BCO1: variants seen among roughly 807,000 people sequenced by gnomAD.
BCO1 encodes beta-carotene oxygenase 1.
In BCO1, 54 loss-of-function variants were observed where a neutral mutation model predicts 56.3. That is an observed-to-expected ratio of 0.96 (90% CI 0.77 to 1.20). BCO1 has a LOEUF of 1.20. BCO1 is among the 50% of genes most tolerant of loss of function. The probability of loss-of-function intolerance (pLI) is 0.00; values close to 1 mark genes in which losing one functional copy is unlikely to be tolerated. For synonymous variants in BCO1, 318 were observed against 266.1 expected, an observed-to-expected ratio of 1.20 and a Z score of -1.90; for missense variants, 801 against 690.9, an observed-to-expected ratio of 1.16 and a Z score of -1.79.
chr16:81,275,244 C>T (rs79199356), intron 7 of BCO1, among the ~76,000 whole-genome samples: 1,988 of 152,330 alleles, frequency 0.013, 41 homozygotes, highest in African/African-American at 0.046. Flanking sequence ...GTCTGAAACC[C>T]TGTCCTCCTG....
chr16:81,259,309 C>T (rs375298963), intron 2 of BCO1, among the ~76,000 whole-genome samples: 42 of 152,076 alleles, frequency 2.8e-4, no homozygotes, highest in African/African-American at 9.2e-4. Flanking sequence ...GCCTGGCCAA[C>T]GTGGTGAAAC....
At chr16:81,262,418 C>T in intron 4 of BCO1, 135 bp downstream of exon 4, 1 of 883,894 alleles carries the variant, frequency 1.1e-6, no homozygotes, top group East Asian at 2.6e-5. Flanking sequence ...GATCCCGTGC[C>T]CTAGCGCCAC....
intron 7 of BCO1, among the ~76,000 whole-genome samples, chr16:81,277,161 A>G (rs887010800): frequency 1.3e-5 from 2 of 152,042 alleles, no homozygotes; most frequent in Non-Finnish European, 2.9e-5. Flanking sequence ...GTTCCACGCC[A>G]TCATGAAGGG....
intron 7 of BCO1, 71 bp from the exon 8 acceptor site, chr16:81,280,786 A>G (rs528737200): frequency 1.0e-4 from 115 of 1,121,326 alleles, no homozygotes; most frequent in Middle Eastern, 2.2e-4. Context: ...TAAAAAATAT[A>G]TACACTAAAG....
rs1906368119 is a variant in BCO1 at position 81,259,736 on chromosome 16, C to T, written c.254C>T (p.Ala85Val). ...RSDTYNTNIEANRIVVSEFGT... is the reference protein window; with the variant it reads ...RSDTYNTNIEVNRIVVSEFGT... ...GATACCTACAACACCAATATTGAGG[C>T]AAACAGGATTGTGGTGTCTGAGTTT... Residue 85 changes from alanine (A) to valine (V), a missense_variant, in exon 3 of 11, where the codon GCA becomes GTA. By Grantham distance (64) the Ala-to-Val change is moderately conservative. Transcript: ENST00000258168. 3 of 1,614,074 alleles carry T rather than the reference C, an allele frequency of 1.9e-6. No individual in the cohort carries two copies. The South Asian group carries it at 3.3e-5, about 18-fold the overall frequency.
intron 7 of BCO1, among the ~76,000 whole-genome samples, chr16:81,272,734 G>A (rs902021450): frequency 8.5e-5 from 13 of 152,352 alleles, no homozygotes; most frequent in Admixed American, 3.9e-4. Flanking sequence ...TCAATTAAAT[G>A]TTGATGGCTT....
intron 1 of BCO1, among the ~76,000 whole-genome samples, chr16:81,240,730 G>A (rs892162106): frequency 6.6e-6 from 1 of 151,682 alleles, no homozygotes; most frequent in Non-Finnish European, 1.5e-5. Flanking sequence ...AAAAAACCAG[G>A]CACCCCAGCC....
chr16:81,247,417 C>A (rs1217562456), intron 2 of BCO1, among the ~76,000 whole-genome samples: 2 of 152,182 alleles, frequency 1.3e-5, no homozygotes. Flanking sequence ...AATCCCAACA[C>A]CTTGAGAGGC....
intron 2 of BCO1, among the ~76,000 whole-genome samples, chr16:81,256,150 T>C (rs999889793): frequency 2.6e-5 from 4 of 151,604 alleles, no homozygotes; most frequent in African/African-American, 7.3e-5. Context: ...GCATTTCTGG[T>C]TGGAGTATTC....
chr16:81,255,315 G>A (rs1265437113), intron 2 of BCO1, among the ~76,000 whole-genome samples: 2 of 152,144 alleles, frequency 1.3e-5, no homozygotes, highest in Non-Finnish European at 2.9e-5. Flanking sequence ...CGCTAGCTGT[G>A]TGGCTTAACA....
At chr16:81,276,459 A>AT (rs1907562950) in intron 7 of BCO1, among the ~76,000 whole-genome samples, 1 of 152,128 alleles carries the variant, frequency 6.6e-6, no homozygotes, top group Non-Finnish European at 1.5e-5. Context: ...TGTTCCTGCC[A>AT]CAGGCCCATG....
At chr16:81,246,176 T>G (rs1468026877) in intron 2 of BCO1, among the ~76,000 whole-genome samples, 1 of 151,910 alleles carries the variant, frequency 6.6e-6, no homozygotes, top group African/African-American at 2.4e-5. Context: ...TCTTGCAATC[T>G]CTCTCTCTCT....
At chr16:81,265,196 C>G (rs1906735016) in intron 5 of BCO1, among the ~76,000 whole-genome samples, 1 of 150,426 alleles carries the variant, frequency 6.6e-6, no homozygotes, top group African/African-American at 2.4e-5. Flanking sequence ...CATTCATCCA[C>G]CTATCCATCA....
intron 9 of BCO1, among the ~76,000 whole-genome samples, chr16:81,286,805 G>A (rs1165134617): frequency 5.3e-5 from 8 of 149,964 alleles, no homozygotes; most frequent in East Asian, 2.0e-4. Context: ...GGCCGGGCGC[G>A]GTGGCTCACA....
intron 9 of BCO1, among the ~76,000 whole-genome samples, chr16:81,286,455 C>T (rs2150648111): frequency 6.6e-6 from 1 of 152,204 alleles, no homozygotes; most frequent in East Asian, 1.9e-4. Context: ...GGAATTGCAC[C>T]CTTAAAGCAA....
chr16:81,290,259 T>C (rs1479111267), intron 10 of BCO1, 89 bp from the exon 11 acceptor site: 31 of 1,117,506 alleles, frequency 2.8e-5, no homozygotes, highest in Non-Finnish European at 3.9e-5. Flanking sequence ...TACATATGTT[T>C]AAAGAGGGCA....
chr16:81,265,404 TCCCATCCATCCA>T (rs1251098980), intron 5 of BCO1, among the ~76,000 whole-genome samples: 2 of 131,956 alleles, frequency 1.5e-5, no homozygotes, highest in African/African-American at 5.9e-5. Flanking sequence ...CTACCCATTC[TCCCATCCATCCA>T]CCCATCCACC....
chr16:81,254,530 C>G (rs566928136), intron 2 of BCO1, among the ~76,000 whole-genome samples: 2 of 150,490 alleles, frequency 1.3e-5, no homozygotes, highest in African/African-American at 4.9e-5. Context: ...TTTTATGTGC[C>G]AGGACAACAA....
chr16:81,281,613 G>A lies in BCO1; in HGVS notation c.1207+651G>A, dbSNP rs551476652. On this transcript the variant is annotated intron_variant, in intron 8 of 10. Coordinates refer to ENST00000258168, the MANE Select transcript of BCO1 (RefSeq NM_017429.3). ...TGCAAAAATAGGTGTTATCGGCCCC[G>A]TAATATAGCGAAGAAAACTAGGCCT... Among the ~76,000 whole-genome samples, 20 of 152,246 alleles carry A rather than the reference G, an allele frequency of 1.3e-4. No individual in the cohort carries two copies. In the South Asian group the frequency reaches 3.1e-3, roughly 24 times the overall value.
Sources: gnomAD v4.1 joint callset for allele counts (sites outside exome capture counted in the v4.1 genomes callset) on GRCh38, gnomAD v4.1.1 for gene constraint, MANE v1.5 for transcripts, NCBI Gene and HGNC (gene_info 2026-07-23, HGNC 2026-07-21) for gene names.